Variants in GRAMD1B observed in about 807,000 individuals in gnomAD.
The protein encoded by GRAMD1B is GRAM domain containing 1B.
Under a neutral mutation model 99.7 loss-of-function variants are expected in GRAMD1B, and 37 were observed. The observed-to-expected ratio is 0.37, with a 90% confidence interval of 0.29 to 0.49. The LOEUF (loss-of-function observed/expected upper bound fraction) is 0.49. Among genes scored for constraint, GRAMD1B ranks in the 20% least tolerant of loss-of-function variants. The pLI, the probability that GRAMD1B is intolerant of heterozygous loss-of-function variation, is 0.98. For missense variants in GRAMD1B, 888 were observed against 1,009.2 expected, an observed-to-expected ratio of 0.88 and a Z score of 1.63; for synonymous variants, 427 against 387.6, an observed-to-expected ratio of 1.10 and a Z score of -1.19.
At chr11:123,423,010 G>C (rs1948507987) in intron 1 of GRAMD1B, among the ~76,000 whole-genome samples, 1 of 152,072 alleles carries the variant, frequency 6.6e-6, no homozygotes, top group Non-Finnish European at 1.5e-5. Flanking sequence ...AAAAATATTT[G>C]TAGGAAGCAA....
chr11:123,488,727 C>G (rs1938178323), intron 2 of GRAMD1B, among the ~76,000 whole-genome samples: 1 of 151,614 alleles, frequency 6.6e-6, no homozygotes, highest in African/African-American at 2.4e-5. Context: ...CCCTCCTCCT[C>G]CACTGTCACA....
intron 1 of GRAMD1B, among the ~76,000 whole-genome samples, chr11:123,393,965 C>A (rs1947369176): frequency 6.6e-6 from 1 of 152,166 alleles, no homozygotes; most frequent in African/African-American, 2.4e-5. Context: ...ACTGCAAATC[C>A]CTTACAACTG....
At chr11:123,525,944 A>G (rs1942675248) in intron 2 of GRAMD1B, 1 of 587,074 alleles carries the variant, frequency 1.7e-6, no homozygotes, top group Non-Finnish European at 3.1e-6. Context: ...CCCAGCTTTC[A>G]GCTGGGAGAG....
chr11:123,514,292 G>A (rs762829265), intron 2 of GRAMD1B, among the ~76,000 whole-genome samples: 4 of 152,176 alleles, frequency 2.6e-5, no homozygotes, highest in Non-Finnish European at 2.9e-5. Context: ...GGACAAGAGA[G>A]GAAAGATGAT....
chr11:123,613,433 G>T, intron 15 of GRAMD1B, 22 bp from the exon 16 acceptor site: 1 of 1,574,018 alleles, frequency 6.4e-7, no homozygotes, highest in Non-Finnish European at 8.7e-7. Flanking sequence ...GGCCTCTCCT[G>T]TGGTCCTTTT....
At chr11:123,420,706 A>C (rs1397638543) in intron 1 of GRAMD1B, among the ~76,000 whole-genome samples, 1 of 152,212 alleles carries the variant, frequency 6.6e-6, no homozygotes, top group African/African-American at 2.4e-5. Context: ...AACTAGTCTG[A>C]ATGTGTATTT....
At chr11:123,392,109 G>A (rs1479881677) in intron 1 of GRAMD1B, among the ~76,000 whole-genome samples, 3 of 152,078 alleles carry the variant, frequency 2.0e-5, no homozygotes, top group African/African-American at 4.8e-5. Context: ...TGGGAACAGC[G>A]AAGACAATGA....
intron 1 of GRAMD1B, among the ~76,000 whole-genome samples, chr11:123,412,330 T>G (rs1365759442): frequency 1.3e-5 from 2 of 152,272 alleles, no homozygotes; most frequent in Non-Finnish European, 2.9e-5. Flanking sequence ...TAAAGCCATT[T>G]GTTGTGTGCC....
rs1266314952 is a variant in GRAMD1B, at chr11:123,444,377, A to G, written c.374+13211A>G. On this transcript the variant is annotated intron_variant, in intron 1 of 19. Coordinates refer to ENST00000635736, the MANE Select transcript of GRAMD1B (RefSeq NM_001387025.1). ...CATGGTGGCTCACACCTATAATCGC[A>G]GCACTTTGGGTGGCTGAGGTGGGAG... 3.3e-5 allele frequency among the ~76,000 whole-genome samples: 5 copies of G among 152,228 alleles called. No individual in the cohort carries two copies. In the East Asian group the frequency reaches 9.7e-4, roughly 29 times the overall value.
At chr11:123,496,482 A>G (rs1443885021) in intron 2 of GRAMD1B, among the ~76,000 whole-genome samples, 1 of 152,008 alleles carries the variant, frequency 6.6e-6, no homozygotes, top group African/African-American at 2.4e-5. Flanking sequence ...ACCTTCTTGT[A>G]CTTCAATATT....
At chr11:123,417,403 G>A (rs964062794) in intron 1 of GRAMD1B, among the ~76,000 whole-genome samples, 1 of 152,122 alleles carries the variant, frequency 6.6e-6, no homozygotes, top group African/African-American at 2.4e-5. Flanking sequence ...ATGTGTAATG[G>A]TATTTTGTAC....
At chr11:123,612,091 C>CT (rs933742922) in intron 14 of GRAMD1B, among the ~76,000 whole-genome samples, 53 of 147,458 alleles carry the variant, frequency 3.6e-4, no homozygotes, top group East Asian at 1.8e-3. Flanking sequence ...AGATGATATT[C>CT]TTTTTTTTTT....
At chr11:123,615,451 C>T (rs1954228146) in intron 17 of GRAMD1B, among the ~76,000 whole-genome samples, 1 of 152,186 alleles carries the variant, frequency 6.6e-6, no homozygotes. Flanking sequence ...CTTTGGGAGG[C>T]CGAGGCAGGC....
chr11:123,583,020 G>A (rs1290079702), intron 3 of GRAMD1B, among the ~76,000 whole-genome samples: 2 of 151,288 alleles, frequency 1.3e-5, no homozygotes, highest in East Asian at 1.9e-4. Flanking sequence ...GTGTGCGTGT[G>A]TATGTGTGTG....
intron 2 of GRAMD1B, chr11:123,559,621 G>GAA: frequency 2.4e-5 from 21 of 858,698 alleles, no homozygotes; most frequent in Non-Finnish European, 2.7e-5. Context: ...AATGGACAGA[G>GAA]AAAAAAAAAA....
intron 1 of GRAMD1B, among the ~76,000 whole-genome samples, chr11:123,473,365 A>G (rs538744414): frequency 6.6e-6 from 1 of 151,948 alleles, no homozygotes; most frequent in East Asian, 1.9e-4. Context: ...TGCCCTGACA[A>G]TTTCTTCTTA....
chr11:123,513,645 T>TCTTTCTTTCTTTCTTTCTTG (rs1941378795), intron 2 of GRAMD1B, among the ~76,000 whole-genome samples: 1 of 44,704 alleles, frequency 2.2e-5, no homozygotes, highest in Non-Finnish European at 5.7e-5. Context: ...TTTCTTTCTT[T>TCTTTCTTTCTTTCTTTCTTG]TTCTTACCTT....
Position 123,510,131 on chromosome 11 carries a change from A to G in GRAMD1B, c.452+29238A>G, listed in dbSNP as rs1940840088. 1 of 152,312 alleles carries G rather than the reference A, an allele frequency of 6.6e-6. No homozygotes were observed. Among genetic ancestry groups the G allele is most frequent in the African/African-American group, 2.4e-5 (1 of 41,420 alleles). The allele number at this position is 152,312 out of a possible 1,614,324, so 9.4% of individuals were successfully genotyped here. A position where few individuals can be genotyped will look rare whatever the true frequency, so the allele number is the denominator to read the frequency against. On this transcript the variant is annotated intron_variant, in intron 2 of 19. Coordinates refer to ENST00000635736, the MANE Select transcript of GRAMD1B (RefSeq NM_001387025.1). The surrounding 1 kb of genome is among the most constrained non-coding windows in gnomAD (Gnocchi z 4.3). ...TTGTGGCTCCGGCACTTCCTTGCAC[A>G]GCACCTTTCTGCTTCCAGCTGAGTG...
intron 9 of GRAMD1B, among the ~76,000 whole-genome samples, chr11:123,604,849 T>C (rs1359002764): frequency 6.6e-6 from 1 of 152,130 alleles, no homozygotes; most frequent in Non-Finnish European, 1.5e-5. Context: ...TCTAGGTGTA[T>C]AATGCAGGGA....
Sources: allele counts gnomAD v4.1 joint callset (sites outside exome capture counted in the v4.1 genomes callset), GRCh38; gene constraint gnomAD v4.1.1; non-coding constraint Gnocchi (gnomAD v3.1); transcripts MANE v1.5; gene names NCBI Gene and HGNC (gene_info 2026-07-23, HGNC 2026-07-21).